ZNF438: variants seen among roughly 807,000 people sequenced by gnomAD.
ZNF438 encodes the protein zinc finger protein 438.
Under a neutral mutation model 38.0 loss-of-function variants are expected in ZNF438, and 25 were observed. The observed-to-expected ratio is 0.66, with a 90% CI of 0.48 to 0.92. The LOEUF (loss-of-function observed/expected upper bound fraction) is 0.92. Ranked by LOEUF, ZNF438 falls within the 40% of genes least tolerant of loss-of-function variation. The probability of loss-of-function intolerance (pLI) is 0.00; values close to 1 mark genes in which losing one functional copy is unlikely to be tolerated. For missense variants in ZNF438, 1,007 were observed against 999.6 expected, an observed-to-expected ratio of 1.01 and a Z score of -0.10; for synonymous variants, 372 against 364.1, an observed-to-expected ratio of 1.02 and a Z score of -0.25.
chr10:30,982,091 T>C (rs2052235092), intron 1 of ZNF438, among the ~76,000 whole-genome samples: 1 of 59,496 alleles, frequency 1.7e-5, no homozygotes, highest in Non-Finnish European at 3.5e-5. Flanking sequence ...ACCATCCTTT[T>C]TCTCTTTCTT....
exon 6 of ZNF438, chr10:30,845,095 G>A: frequency 6.2e-7 from 1 of 1,614,166 alleles, no homozygotes; most frequent in Non-Finnish European, 8.5e-7. Context: ...TTCCGTCCCA[G>A]CATCTCTGCA....
chr10:30,950,260 G>A (rs913487895), intron 1 of ZNF438, among the ~76,000 whole-genome samples: 7 of 152,110 alleles, frequency 4.6e-5, no homozygotes, highest in Admixed American at 3.9e-4. Flanking sequence ...CGTGTAAAGG[G>A]AAATTTATAG....
intron 1 of ZNF438, among the ~76,000 whole-genome samples, chr10:30,982,768 G>A (rs1027209708): frequency 2.0e-5 from 3 of 152,060 alleles, no homozygotes; most frequent in Non-Finnish European, 4.4e-5. Flanking sequence ...AAACTACAAA[G>A]TTTCCTTCTT....
At chr10:30,877,453 T>A (rs1478365858) in intron 3 of ZNF438, among the ~76,000 whole-genome samples, 1 of 152,230 alleles carries the variant, frequency 6.6e-6, no homozygotes, top group Non-Finnish European at 1.5e-5. Context: ...AATTGTAATA[T>A]AATCATTTGA....
At chr10:30,863,379 T>C (rs1192398593) in intron 4 of ZNF438, among the ~76,000 whole-genome samples, 3 of 152,308 alleles carry the variant, frequency 2.0e-5, no homozygotes, top group Admixed American at 1.3e-4. Flanking sequence ...CCAGGTTAGT[T>C]GTCTATGAGT....
intron 4 of ZNF438, among the ~76,000 whole-genome samples, chr10:30,871,906 GCTCT>G (rs1270055809): frequency 6.6e-6 from 1 of 152,140 alleles, no homozygotes; most frequent in African/African-American, 2.4e-5. Flanking sequence ...CAAACCATTT[GCTCT>G]CTCCACCCCG....
intron 4 of ZNF438, among the ~76,000 whole-genome samples, chr10:30,861,086 A>G (rs2035502827): frequency 6.6e-6 from 1 of 152,216 alleles, no homozygotes; most frequent in South Asian, 2.1e-4. Context: ...GTTGTCCCTT[A>G]CCATCTGTGG....
At chr10:30,894,964 T>C (rs553697142) in intron 3 of ZNF438, among the ~76,000 whole-genome samples, 21 of 152,346 alleles carry the variant, frequency 1.4e-4, no homozygotes, top group Admixed American at 5.9e-4. Flanking sequence ...TTTATTTCTC[T>C]AAATTTGAAA....
intron 1 of ZNF438, among the ~76,000 whole-genome samples, chr10:30,953,247 T>G (rs951207861): frequency 1.1e-4 from 16 of 150,438 alleles, no homozygotes; most frequent in Admixed American, 4.0e-4. Flanking sequence ...CTCTGGGGAC[T>G]GTTGTGTGGT....
At chr10:30,860,701 C>T (rs1418220745) in intron 4 of ZNF438, among the ~76,000 whole-genome samples, 3 of 152,196 alleles carry the variant, frequency 2.0e-5, no homozygotes, top group African/African-American at 7.2e-5. Context: ...TGATAAAGTG[C>T]TAATTGGATT....
chr10:30,982,513 C>T (rs2052328245), intron 1 of ZNF438, among the ~76,000 whole-genome samples: 1 of 151,940 alleles, frequency 6.6e-6, no homozygotes. Flanking sequence ...CTGTTAACAC[C>T]AATTCTGGCT....
chr10:30,932,876 A>G (rs2135336230), intron 2 of ZNF438, among the ~76,000 whole-genome samples: 1 of 152,288 alleles, frequency 6.6e-6, no homozygotes, highest in East Asian at 1.9e-4. Context: ...GAGGGAAGAC[A>G]CTCATAAGAT....
chr10:30,951,278 C>G (rs1255163104), intron 1 of ZNF438, among the ~76,000 whole-genome samples: 2 of 150,066 alleles, frequency 1.3e-5, no homozygotes, highest in Non-Finnish European at 3.0e-5. Context: ...TATGACAAAC[C>G]CACAGCCAAT....
intron 3 of ZNF438, among the ~76,000 whole-genome samples, chr10:30,899,305 C>CA (rs1425517270): frequency 1.3e-5 from 2 of 152,014 alleles, no homozygotes; most frequent in Non-Finnish European, 1.5e-5. Context: ...TATAACTAAC[C>CA]AAATAAGAAA....
chr10:30,857,938 C>T (rs888151204), intron 4 of ZNF438, among the ~76,000 whole-genome samples: 18 of 152,246 alleles, frequency 1.2e-4, no homozygotes, highest in African/African-American at 4.1e-4. Context: ...CTCTAGATAG[C>T]TACAAACAGC....
chr10:30,952,837 A>T (rs2048380523), intron 1 of ZNF438, among the ~76,000 whole-genome samples: 1 of 82,464 alleles, frequency 1.2e-5, no homozygotes, highest in Non-Finnish European at 2.5e-5. Context: ...TGTGGAAGTC[A>T]GTGTGGCGAT....
intron 1 of ZNF438, among the ~76,000 whole-genome samples, chr10:30,982,097 T>A (rs1323764013): frequency 2.4e-5 from 1 of 42,178 alleles, no homozygotes; most frequent in Non-Finnish European, 5.7e-5. Context: ...CTTTTTCTCT[T>A]TCTTTTTTTT....
chr10:30,854,248 A>G (rs528407675), intron 4 of ZNF438, among the ~76,000 whole-genome samples: 3 of 152,330 alleles, frequency 2.0e-5, no homozygotes, highest in African/African-American at 7.2e-5. Flanking sequence ...TGAACCCGGG[A>G]GTTTGCAGTG....
chr10:30,900,389 A>G (rs1006718057), intron 3 of ZNF438, among the ~76,000 whole-genome samples: 1 of 152,190 alleles, frequency 6.6e-6, no homozygotes, highest in African/African-American at 2.4e-5. Context: ...CCACCAAAAT[A>G]GCCCAAATAA....
Sources: allele counts gnomAD v4.1 joint callset (sites outside exome capture counted in the v4.1 genomes callset), GRCh38; gene constraint gnomAD v4.1.1; transcripts MANE v1.5; gene names NCBI Gene and HGNC (gene_info 2026-07-23, HGNC 2026-07-21).